The following RIMS2 variants were observed in gnomAD, a reference collection of about 807,000 sequenced individuals.
RIMS2 encodes the protein regulating synaptic membrane exocytosis 2.
Under a neutral mutation model 174.4 loss-of-function variants are expected in RIMS2, and 59 were observed. That is an observed-to-expected ratio of 0.34 (90% CI 0.27 to 0.42). The LOEUF (loss-of-function observed/expected upper bound fraction) is 0.42, where lower values mean the gene tolerates loss of function less well. RIMS2 is among the 10% of genes least tolerant of loss of function. The pLI, the probability that RIMS2 is intolerant of heterozygous loss-of-function variation, is 1.00. For synonymous variants in RIMS2, 606 were observed against 572.5 expected (o/e 1.06, Z -0.84); for missense variants, 1,620 against 1,666.3 (o/e 0.97, Z 0.48).
At chr8:103,770,576 C>CA (rs945964309) in intron 3 of RIMS2, among the ~76,000 whole-genome samples, 99 of 150,452 alleles carry the variant, frequency 6.6e-4, no homozygotes, top group East Asian at 5.3e-3. Flanking sequence ...AACTCTGTCT[C>CA]AAAAAAAAAC....
At chr8:104,061,868 G>C (rs59227790) in intron 19 of RIMS2, among the ~76,000 whole-genome samples, 1 of 151,858 alleles carries the variant, frequency 6.6e-6, no homozygotes, top group African/African-American at 2.4e-5. Flanking sequence ...ATCAAACAAT[G>C]GTATGATTAA....
At chr8:103,620,334 C>A (rs1046685647) in intron 1 of RIMS2, among the ~76,000 whole-genome samples, 4 of 151,728 alleles carry the variant, frequency 2.6e-5, no homozygotes, top group African/African-American at 9.7e-5. Flanking sequence ...ATATATATGA[C>A]AATAAACTCA....
intron 1 of RIMS2, among the ~76,000 whole-genome samples, chr8:103,566,568 G>T (rs905814786): frequency 5.9e-5 from 9 of 152,064 alleles, no homozygotes; most frequent in South Asian, 4.1e-4. Context: ...TTCATATTTT[G>T]TAGTGAACAT....
Position 103,875,705 on chromosome 8 carries a change from G to A in RIMS2, c.699-9593G>A, listed in dbSNP as rs374883070. ...CTCTATACTGTTTTCCATAGAGGCT[G>A]TACTAATTTACATTTCCACCAGTGG... On this transcript the variant is annotated intron_variant, in intron 3 of 23. Transcript: ENST00000504942. Among the ~76,000 whole-genome samples the A allele has an allele frequency of 3.2e-4, 48 of 152,148 alleles. No homozygotes were observed. In the South Asian group the frequency reaches 1.0e-2, roughly 32 times the overall value.
chr8:103,674,713 C>A (rs1424860125), intron 1 of RIMS2, among the ~76,000 whole-genome samples: 2 of 151,648 alleles, frequency 1.3e-5, no homozygotes, highest in Admixed American at 6.6e-5. Context: ...TCTTAGTAAC[C>A]CTGGTTTTTA....
intron 1 of RIMS2, among the ~76,000 whole-genome samples, chr8:103,571,680 A>C (rs2092818907): frequency 6.6e-6 from 1 of 152,230 alleles, no homozygotes; most frequent in Non-Finnish European, 1.5e-5. Context: ...TGAGTAAAAA[A>C]GAACTCACCT....
At chr8:103,916,247 C>T (rs1039856970) in intron 7 of RIMS2, among the ~76,000 whole-genome samples, 167 bp from the exon 11 acceptor site, 13 of 151,990 alleles carry the variant, frequency 8.6e-5, no homozygotes, top group African/African-American at 3.1e-4. Flanking sequence ...TACTAATCAA[C>T]ATGGTCATCA....
At position 104,056,143 on chromosome 8, in the gene RIMS2, T is replaced by C. The variant is rs1171121973; in HGVS notation, c.3334+41528T>C. ...TAACCGGCCAGGCGTGGTGGCTCAT[T>C]CCTATAATCCCAGCACCTTGGGAGG... On this transcript the variant is annotated intron_variant, in intron 19 of 23. Coordinates refer to ENST00000504942, the Ensembl canonical transcript of RIMS2. Among the ~76,000 whole-genome samples, 4 of 152,218 alleles carry C rather than the reference T, an allele frequency of 2.6e-5. No individual in the cohort carries two copies. The East Asian group carries it at 7.7e-4, about 29-fold the overall frequency.
At chr8:103,903,944 A>C (rs1007945397) in intron 4 of RIMS2, among the ~76,000 whole-genome samples, 16 of 152,140 alleles carry the variant, frequency 1.1e-4, no homozygotes, top group Admixed American at 9.2e-4. Context: ...TTGCTTAGCT[A>C]TAATTAAGAA....
At chr8:103,992,274 A>ATTTTTTTTTT (rs1186537194) in intron 17 of RIMS2, among the ~76,000 whole-genome samples, 211 of 107,052 alleles carry the variant, frequency 2.0e-3, no homozygotes, top group African/African-American at 3.4e-3. Flanking sequence ...ATGTCCAGCT[A>ATTTTTTTTTT]TTTTTTTTTT....
rs181079733 is a variant in RIMS2 at position 103,952,552 on chromosome 8, G to A, written c.2702-8513G>A. 3.6e-3 allele frequency among the ~76,000 whole-genome samples: 547 copies of A among 152,254 alleles called. 9 individuals are homozygous for A. The highest frequency in any genetic ancestry group is 0.014 in the Admixed American group (213 of 15,300). ...TTGGAAGGAAACCGACAAACAGAAAGGAATAGTATTAACATCAACAAAAAG... is the reference window on the plus strand; with the variant it reads ...TTGGAAGGAAACCGACAAACAGAAAAGAATAGTATTAACATCAACAAAAAG... On this transcript the variant is annotated intron_variant, in intron 14 of 23. Coordinates refer to ENST00000504942, the Ensembl canonical transcript of RIMS2.
chr8:104,125,809 A>G (rs1267094858), intron 19 of RIMS2, among the ~76,000 whole-genome samples: 1 of 152,204 alleles, frequency 6.6e-6, no homozygotes, highest in Admixed American at 6.5e-5. Flanking sequence ...AAGGTCACAC[A>G]TATTTAACTA....
At chr8:103,991,716 G>A (rs1214207552) in intron 17 of RIMS2, among the ~76,000 whole-genome samples, 3 of 152,112 alleles carry the variant, frequency 2.0e-5, no homozygotes, top group African/African-American at 7.2e-5. Context: ...GACTAGAATA[G>A]TATTTTATTG....
Position 103,738,881 on chromosome 8 carries a change from A to G in RIMS2, c.388-27346A>G, listed in dbSNP as rs200055255. The stretch of plus-strand genomic sequence containing the variant: ...GATCATTAAAAAGTCAGGAAACAAC[A>G]GGTGCTGGAGAGGATGTGGAGAAAT... On this transcript the variant is annotated intron_variant, in intron 2 of 23. Coordinates refer to ENST00000504942, the Ensembl canonical transcript of RIMS2. Among the ~76,000 whole-genome samples, 1,182 of 151,930 alleles carry G rather than the reference A, an allele frequency of 7.8e-3. 18 individuals are homozygous for G. The highest frequency in any genetic ancestry group is 0.049 in the South Asian group (238 of 4,818).
chr8:103,713,113 G>T (rs1411283684), intron 2 of RIMS2, among the ~76,000 whole-genome samples: 3 of 151,964 alleles, frequency 2.0e-5, no homozygotes, highest in African/African-American at 7.3e-5. Context: ...CCACTTCCTG[G>T]GTTCAAGTGA....
chr8:103,885,487 C>T (rs371608826), exon 4 of RIMS2: 4 of 1,612,400 alleles, frequency 2.5e-6, no homozygotes, highest in Non-Finnish European at 3.4e-6. Context: ...ATAGGGACTC[C>T]AACAGGAGAA....
intron 1 of RIMS2, among the ~76,000 whole-genome samples, chr8:103,618,182 G>T (rs1286228519): frequency 6.6e-6 from 1 of 152,066 alleles, no homozygotes; most frequent in East Asian, 1.9e-4. Context: ...CATATCTTTT[G>T]CAGGAGCATG....
At chr8:103,768,388 T>C (rs2098205211) in intron 3 of RIMS2, 1 of 741,924 alleles carries the variant, frequency 1.3e-6, no homozygotes, top group South Asian at 1.4e-5. Context: ...CCACAGAAGT[T>C]GCTGCTGATG....
chr8:104,110,106 C>T (rs2098151850), intron 19 of RIMS2, among the ~76,000 whole-genome samples: 1 of 152,044 alleles, frequency 6.6e-6, no homozygotes, highest in Non-Finnish European at 1.5e-5. Context: ...TAATAGTTCC[C>T]ATTGGTAAAG....
Sources: allele counts gnomAD v4.1 joint callset (sites outside exome capture counted in the v4.1 genomes callset), GRCh38; gene constraint gnomAD v4.1.1; transcripts MANE v1.5; gene names NCBI Gene and HGNC (gene_info 2026-07-23, HGNC 2026-07-21).